NGF: variants seen among roughly 807,000 people sequenced by gnomAD.
NGF encodes beta-nerve growth factor.
A neutral mutation model predicts 12.8 loss-of-function variants in NGF; 4 were observed. The ratio of observed to expected loss-of-function variants is 0.31; its 90% CI spans 0.15 to 0.72. The LOEUF is 0.72. Among genes scored for constraint, NGF ranks in the 30% least tolerant of loss-of-function variants. NGF has a pLI of 0.69. For missense variants in NGF, 283 were observed against 330.8 expected, an observed-to-expected ratio of 0.86 and a Z score of 1.12; for synonymous variants, 140 against 130.0, an observed-to-expected ratio of 1.08 and a Z score of -0.52.
intron 1 of NGF, among the ~76,000 whole-genome samples, chr1:115,311,866 A>G (rs1438403554): frequency 6.6e-6 from 1 of 152,228 alleles, no homozygotes; most frequent in Non-Finnish European, 1.5e-5. Context: ...TCTGAAATTT[A>G]TGAAAGGAAG....
chr1:115,304,061 G>T (rs879485597), intron 1 of NGF, among the ~76,000 whole-genome samples: 1 of 151,870 alleles, frequency 6.6e-6, no homozygotes, highest in Admixed American at 6.6e-5. Flanking sequence ...AATAATGTTG[G>T]TTATAAAATT....
chr1:115,311,412 T>C (rs1203556382), intron 1 of NGF, among the ~76,000 whole-genome samples: 2 of 152,198 alleles, frequency 1.3e-5, no homozygotes, highest in African/African-American at 4.8e-5. Context: ...TGATGCTTTA[T>C]GTATTTGAGA....
At chr1:115,287,826 C>T (rs1653561358) in intron 2 of NGF, among the ~76,000 whole-genome samples, 1 of 152,178 alleles carries the variant, frequency 6.6e-6, no homozygotes. Context: ...GGACTCCATA[C>T]TGCACTGCAG....
At chr1:115,327,388 A>G (rs966172696) in intron 1 of NGF, among the ~76,000 whole-genome samples, 2 of 152,276 alleles carry the variant, frequency 1.3e-5, no homozygotes. Context: ...CCCACCCCCA[A>G]AATATTTTCT....
intron 1 of NGF, among the ~76,000 whole-genome samples, chr1:115,317,197 G>A (rs1654497102): frequency 6.6e-6 from 1 of 152,122 alleles, no homozygotes; most frequent in South Asian, 2.1e-4. Flanking sequence ...CGCTTGCGTG[G>A]AGCCACCATC....
chr1:115,287,853 C>A (rs1420037238), intron 2 of NGF, among the ~76,000 whole-genome samples: 1 of 152,188 alleles, frequency 6.6e-6, no homozygotes, highest in Admixed American at 6.5e-5. Context: ...CACAAATAAT[C>A]CCCCAACTTG....
chr1:115,288,528 C>T (rs1226596629), intron 2 of NGF, among the ~76,000 whole-genome samples: 1 of 152,164 alleles, frequency 6.6e-6, no homozygotes, highest in Non-Finnish European at 1.5e-5. Context: ...AGACCTCCTT[C>T]AAAGCCATTT....
chr1:115,300,049 T>C (rs933170286), intron 1 of NGF, among the ~76,000 whole-genome samples: 1 of 152,230 alleles, frequency 6.6e-6, no homozygotes. Context: ...TGCCAGTGAA[T>C]GTTAACACTC....
intron 1 of NGF, among the ~76,000 whole-genome samples, chr1:115,309,471 G>A (rs1654286171): frequency 6.6e-6 from 1 of 152,150 alleles, no homozygotes; most frequent in Admixed American, 6.5e-5. Flanking sequence ...TACATGTGCA[G>A]AATGGCAGTT....
At chr1:115,329,357 A>C (rs1571097691) in intron 1 of NGF, among the ~76,000 whole-genome samples, 1 of 152,208 alleles carries the variant, frequency 6.6e-6, no homozygotes, top group Admixed American at 6.5e-5. Context: ...AGATGAGGAC[A>C]TTGTTGCTTA....
chr1:115,312,607 C>T (rs1294203914), intron 1 of NGF, among the ~76,000 whole-genome samples: 1 of 152,134 alleles, frequency 6.6e-6, no homozygotes. Context: ...TGACAGATAC[C>T]AGAGTTGCTG....
At chr1:115,309,087 C>G (rs746332435) in intron 1 of NGF, among the ~76,000 whole-genome samples, 1 of 152,146 alleles carries the variant, frequency 6.6e-6, no homozygotes, top group African/African-American at 2.4e-5. Context: ...AGCAGAATGA[C>G]GTGGAGAAGG....
intron 1 of NGF, among the ~76,000 whole-genome samples, chr1:115,337,499 C>A (rs1004809149): frequency 6.6e-6 from 1 of 151,854 alleles, no homozygotes; most frequent in African/African-American, 2.4e-5. Flanking sequence ...AGCGTGTGAC[C>A]CAAGTGGCAG....
At chr1:115,322,100 A>G (rs1171521688) in intron 1 of NGF, among the ~76,000 whole-genome samples, 1 of 152,226 alleles carries the variant, frequency 6.6e-6, no homozygotes, top group Non-Finnish European at 1.5e-5. Flanking sequence ...ACCTTTGATC[A>G]TAAATGAGAC....
intron 1 of NGF, among the ~76,000 whole-genome samples, chr1:115,310,434 G>A (rs1316890570): frequency 1.3e-5 from 2 of 152,166 alleles, no homozygotes; most frequent in African/African-American, 4.8e-5. Context: ...TCCCACCATG[G>A]TGCTGAGCCT....
intron 2 of NGF, among the ~76,000 whole-genome samples, chr1:115,291,366 G>A (rs970961542): frequency 1.3e-5 from 2 of 152,162 alleles, no homozygotes. Context: ...CAGGGGAGAA[G>A]TTTTATTTAT....
chr1:115,337,020 G>T (rs539495775), intron 1 of NGF, among the ~76,000 whole-genome samples: 47 of 152,266 alleles, frequency 3.1e-4, no homozygotes, highest in African/African-American at 1.1e-3. Flanking sequence ...TTGGTTTCCA[G>T]CTGGGAACGT....
intron 1 of NGF, among the ~76,000 whole-genome samples, chr1:115,310,987 A>G (rs1557941990): frequency 2.0e-5 from 3 of 152,122 alleles, no homozygotes; most frequent in African/African-American, 7.2e-5. Flanking sequence ...TTTTCAGTGT[A>G]TGGCTCACTT....
At chr1:115,317,621 G>C (rs1571089872) in intron 1 of NGF, among the ~76,000 whole-genome samples, 1 of 152,208 alleles carries the variant, frequency 6.6e-6, no homozygotes, top group East Asian at 1.9e-4. Flanking sequence ...TTGGGGATCT[G>C]ACCACAGAGA....
Sources: gnomAD v4.1 joint callset for allele counts (sites outside exome capture counted in the v4.1 genomes callset) on GRCh38, gnomAD v4.1.1 for gene constraint, MANE v1.5 for transcripts, NCBI Gene and HGNC (gene_info 2026-07-23, HGNC 2026-07-21) for gene names.